Variants in CHD4 observed in about 807,000 individuals in gnomAD.
The protein encoded by CHD4 is chromodomain helicase DNA binding protein 4.
A neutral mutation model predicts 235.5 loss-of-function variants in CHD4; 35 were observed. The ratio of observed to expected loss-of-function variants is 0.15; its 90% confidence interval spans 0.11 to 0.20. The LOEUF is 0.20. Among genes scored for constraint, CHD4 ranks in the 10% least tolerant of loss-of-function variants. CHD4 has a pLI of 1.00. For missense variants in CHD4, 1,329 were observed against 2,432.3 expected (o/e 0.55, Z 9.54); for synonymous variants, 900 against 850.2 (o/e 1.06, Z -1.02).
chr12:6,600,026 C>G lies in CHD4; in HGVS notation c.1243-14G>C. The G allele has an allele frequency of 2.5e-6, 4 of 1,613,514 alleles. No individual in the cohort carries two copies. Among genetic ancestry groups the G allele is most frequent in the Non-Finnish European group, 3.4e-6 (4 of 1,179,598 alleles). ...GCCTTCCTTCTCCTGCAGTAAAGGACCACAGATTCAGATTATTACCCCCAC... is the reference window on the plus strand; with the variant it reads ...GCCTTCCTTCTCCTGCAGTAAAGGAGCACAGATTCAGATTATTACCCCCAC... On this transcript the variant is annotated splice_polypyrimidine_tract_variant and intron_variant, in intron 9 of 39. Coordinates refer to ENST00000544040, the MANE Select transcript of CHD4 (RefSeq NM_001273.5).
At chr12:6,602,964 A>C (rs1948625042) in intron 2 of CHD4, 2 of 153,998 alleles carry the variant, frequency 1.3e-5, no homozygotes, top group African/African-American at 4.8e-5. Flanking sequence ...GGTCTCGGAA[A>C]CCACACCCTT....
chr12:6,582,612 C>G lies in CHD4; in HGVS notation c.4370+3G>C. On this transcript the variant is annotated splice_donor_region_variant and intron_variant, in intron 29 of 39. Coordinates refer to ENST00000544040, the MANE Select transcript of CHD4 (RefSeq NM_001273.5). The stretch of plus-strand genomic sequence containing the variant: ...GATCAGTCCACTCCAGCCCTCAACT[C>G]ACTTGAACTCTTTCTCTGATTTGCC... 1 of 1,608,834 alleles carries G rather than the reference C, an allele frequency of 6.2e-7. No homozygotes were observed. Among genetic ancestry groups the G allele is most frequent in the Non-Finnish European group, 8.5e-7 (1 of 1,177,164 alleles).
intron 33 of CHD4, chr12:6,580,783 T>TG (rs1484742055): frequency 1.3e-5 from 4 of 300,250 alleles, no homozygotes; most frequent in African/African-American, 1.1e-4. Flanking sequence ...CAAAAGCAGG[T>TG]GGATCATGAG....
At position 6,580,894 on chromosome 12, in the gene CHD4, C is replaced by T. The variant is rs572033484; in HGVS notation, c.4909+150G>A. 2.1e-4 allele frequency: 168 copies of T among 802,546 alleles called. 3 individuals are homozygous for T. The South Asian group carries it at 2.6e-3, about 12-fold the overall frequency. 49.7% of individuals were successfully genotyped at this position (802,546 alleles called of 1,614,324 possible). A position where few individuals can be genotyped will look rare whatever the true frequency, so the allele number is the denominator to read the frequency against. ...TGATGGCGTCTGTCTGTAATCCCAG[C>T]TCCTCGGGAGGGTGAGGCAGGAGAA... On this transcript the variant is annotated intron_variant, in intron 33 of 39. Coordinates refer to ENST00000544040, the MANE Select transcript of CHD4 (RefSeq NM_001273.5).
Position 6,570,650 on chromosome 12 carries a change from G to A in CHD4, c.*26C>T. ...AAAGTGAGGAAGGTCACTGCTCAGC[G>A]GTGGAGGTGGTATCAGTCTGCATCT... On this transcript the variant is annotated 3_prime_UTR_variant, in exon 40 of 40. Transcript: ENST00000544040. 1.9e-6 allele frequency: 3 copies of A among 1,614,054 alleles called. No individual in the cohort carries two copies. Among genetic ancestry groups the A allele is most frequent in the South Asian group, 1.1e-5 (1 of 91,086 alleles).
At chr12:6,585,984 C>CA (rs1451526420) in intron 25 of CHD4, among the ~76,000 whole-genome samples, 1 of 152,000 alleles carries the variant, frequency 6.6e-6, no homozygotes, top group African/African-American at 2.4e-5. Flanking sequence ...CCTGTAATCT[C>CA]AGCTACTTGG....
Position 6,581,356 on chromosome 12 carries a change from T to G in CHD4, c.4714A>C (p.Lys1572Gln). Residue 1572 changes from lysine (K) to glutamine (Q), a missense_variant, in exon 32 of 40, where the codon AAA becomes CAA. Lys to Gln is a moderately conservative substitution (Grantham distance 53, BLOSUM62 1). This residue lies in a region of CHD4 where 219 missense variants were observed against 219.3 expected (regional missense o/e 1.00). Transcript: ENST00000544040. Reference protein sequence around the residue: ...DGIKIEENSLKEEESIEGEKE... With the variant: ...DGIKIEENSLQEEESIEGEKE... ...TCTCCTTCTATGCTCTCTTCTTCTT[T>G]GAGGCTATTTTCCTCTATTTTTATC... 2 of 1,614,184 alleles carry G rather than the reference T, an allele frequency of 1.2e-6. No homozygotes were observed. The highest frequency in any genetic ancestry group is 1.7e-6 in the Non-Finnish European group (2 of 1,180,022).
intron 33 of CHD4, chr12:6,580,715 A>AAAAAAAACAAAAC (rs1565604066): frequency 1.2e-4 from 27 of 226,982 alleles, no homozygotes; most frequent in African/African-American, 4.0e-4. Flanking sequence ...AAAAAAAAAA[A>AAAAAAAACAAAAC]AAAAAAAAAA....
chr12:6,605,172 T>A (rs545420719), intron 2 of CHD4, among the ~76,000 whole-genome samples: 1 of 151,926 alleles, frequency 6.6e-6, no homozygotes, highest in East Asian at 1.9e-4. Flanking sequence ...CCACTGAAGC[T>A]AAGAAGAGAG....
intron 13 of CHD4, 101 bp downstream of exon 13, chr12:6,595,905 T>TG: frequency 7.5e-7 from 1 of 1,337,678 alleles, no homozygotes; most frequent in South Asian, 1.5e-5. Flanking sequence ...TTGCAGTGAG[T>TG]CAAGATCACG....
At chr12:6,607,044 G>A (rs1181200014) in intron 1 of CHD4, 1 of 151,548 alleles carries the variant, frequency 6.6e-6, no homozygotes, top group Non-Finnish European at 1.5e-5. Context: ...AAGGGCGAGG[G>A]GGTGGGCGCC....
intron 33 of CHD4, chr12:6,580,473 A>G: frequency 6.5e-6 from 1 of 153,234 alleles, no homozygotes. Flanking sequence ...TTGAGAGGCC[A>G]AGGCAGGTGG....
chr12:6,581,222 A>G, intron 32 of CHD4, 49 bp from the exon 33 acceptor site: 1 of 1,612,820 alleles, frequency 6.2e-7, no homozygotes, highest in Non-Finnish European at 8.5e-7. Flanking sequence ...CAGACAGGCC[A>G]GCAACTAAAA....
chr12:6,596,040 A>C lies in CHD4; in HGVS notation c.1990T>G (p.Tyr664Asp). The C allele has an allele frequency of 6.2e-7, 1 of 1,613,906 alleles. No homozygotes were observed. Among genetic ancestry groups the C allele is most frequent in the Non-Finnish European group, 8.5e-7 (1 of 1,179,972 alleles). The change falls in exon 13 of 40, where the codon TAC becomes GAC. Residue 664 changes from tyrosine to aspartate, a missense_variant. By Grantham distance (160) the Tyr-to-Asp change is radical. Transcript: ENST00000544040. ...WESEDVEIQD[Y>D]DLFKQSYWNH... ...CAATAGCTCTGCTTGAACAGGTCGT[A>C]ATCCTGGATCTCCACATCCTCACTC...
chr12:6,598,132 A>C (rs777746695), intron 11 of CHD4, 33 bp from the exon 12 acceptor site: 7 of 1,613,460 alleles, frequency 4.3e-6, no homozygotes, highest in Admixed American at 3.3e-5. Flanking sequence ...AGCCACCAAG[A>C]AGCTGTGTTC....
At chr12:6,590,120 C>T (rs1948366886) in intron 22 of CHD4, 3 of 152,170 alleles carry the variant, frequency 2.0e-5, no homozygotes, top group Admixed American at 2.0e-4. Flanking sequence ...ATTGCTTGAA[C>T]CCAGGAGGCA....
chr12:6,571,095 G>A (rs949514004), intron 38 of CHD4, 63 bp from the exon 39 acceptor site: 55 of 1,571,570 alleles, frequency 3.5e-5, no homozygotes, highest in Non-Finnish European at 3.6e-5. Context: ...CTCTACCCTA[G>A]TGGACCAGCC....
chr12:6,606,441 G>A lies in CHD4; in HGVS notation c.-68C>T. 3.2e-6 allele frequency: 3 copies of A among 930,118 alleles called. No individual in the cohort carries two copies. The highest frequency in any genetic ancestry group is 4.9e-6 in the Non-Finnish European group (3 of 614,174). The allele number at this position is 930,118 out of a possible 1,614,324, so 57.6% of individuals were successfully genotyped here. ...CCGGCGGCCTGAGGACCTCTACACT[G>A]GCCCGAGTCACTGTGCGGGGGAGGG... is the stretch of plus-strand genomic sequence containing the variant. On this transcript the variant is annotated 5_prime_UTR_variant, in exon 2 of 40. Coordinates refer to ENST00000544040, the MANE Select transcript of CHD4 (RefSeq NM_001273.5).
chr12:6,572,991 G>A, intron 38 of CHD4, 83 bp downstream of exon 38: 1 of 1,382,190 alleles, frequency 7.2e-7, no homozygotes, highest in South Asian at 1.4e-5. Context: ...AGCTCTGAAA[G>A]TTTGAAAACA....
Sources: gnomAD v4.1 joint callset for allele counts (sites outside exome capture counted in the v4.1 genomes callset) on GRCh38, gnomAD v4.1.1 for gene constraint, gnomAD v4.1.1 regional missense constraint, MANE v1.5 for transcripts, NCBI Gene and HGNC (gene_info 2026-07-23, HGNC 2026-07-21) for gene names.